The following CNGA3 variants were observed in gnomAD, a reference collection of about 807,000 sequenced individuals.
CNGA3 encodes cyclic nucleotide-gated channel alpha-3.
Under a neutral mutation model 46.6 loss-of-function variants are expected in CNGA3, and 42 were observed. The observed-to-expected ratio is 0.90, with a 90% confidence interval of 0.70 to 1.17. The LOEUF is 1.17. Ranked by LOEUF, CNGA3 falls within the 50% of genes most tolerant of loss-of-function variation. CNGA3 has a pLI of 0.00. For synonymous variants in CNGA3, 394 were observed against 369.4 expected (o/e 1.07, Z -0.76); for missense variants, 893 against 890.7 (o/e 1.00, Z -0.03).
chr2:98,363,572 A>G (rs55690937), intron 1 of CNGA3, among the ~76,000 whole-genome samples: 29,178 of 152,204 alleles, frequency 0.19, 3,200 homozygotes, highest in Non-Finnish European at 0.26. Context: ...GATCTAGAAG[A>G]CATCCTTATC....
chr2:98,388,665 C>T (rs1429609520), intron 5 of CNGA3, among the ~76,000 whole-genome samples: 2 of 152,216 alleles, frequency 1.3e-5, no homozygotes, highest in Admixed American at 6.5e-5. Flanking sequence ...TGCTCATGTG[C>T]CCCCCACCCG....
rs532331126 is a variant in CNGA3 at position 98,398,192 on chromosome 2, G to C, written c.*937G>C. 3.3e-5 allele frequency: 5 copies of C among 152,326 alleles called. No homozygotes were observed. The East Asian group carries it at 7.7e-4, about 23-fold the overall frequency. The allele number at this position is 152,326 out of a possible 1,614,324, so 9.4% of individuals were successfully genotyped here. A position where few individuals can be genotyped will look rare whatever the true frequency, so the allele number is the denominator to read the frequency against. Reference sequence around the variant, plus strand: ...TGCAAACTGCCCATTCACCCATGAAGAGGAAGCCTCAAGATCCCTTGGAAT... The same window carrying C: ...TGCAAACTGCCCATTCACCCATGAACAGGAAGCCTCAAGATCCCTTGGAAT... On this transcript the variant is annotated 3_prime_UTR_variant, in exon 8 of 8. Transcript: ENST00000272602.
intron 5 of CNGA3, among the ~76,000 whole-genome samples, chr2:98,388,684 C>T (rs1444204026): frequency 3.9e-5 from 6 of 152,224 alleles, no homozygotes; most frequent in Non-Finnish European, 8.8e-5. Context: ...CGAAGCATTT[C>T]GTTTGCCCTC....
rs1043225767 is a variant in CNGA3, at chr2:98,377,866, C to T, written c.215+66C>T. Reference sequence around the variant, plus strand: ...ACTGTTGCAGAAAGAAGGTAGTGACCTCTCAGGAAAAAGTGCTAGATGGGG... The same window carrying T: ...ACTGTTGCAGAAAGAAGGTAGTGACTTCTCAGGAAAAAGTGCTAGATGGGG... On this transcript the variant is annotated intron_variant, in intron 3 of 7. Coordinates refer to ENST00000272602, the MANE Select transcript of CNGA3 (RefSeq NM_001298.3). The T allele has an allele frequency of 1.2e-5, 18 of 1,461,634 alleles. No individual in the cohort carries two copies. In the African/African-American group the frequency reaches 2.2e-4, roughly 18 times the overall value. The allele number at this position is 1,461,634 out of a possible 1,614,324, so 90.5% of individuals were successfully genotyped here.
intron 1 of CNGA3, among the ~76,000 whole-genome samples, chr2:98,362,956 G>A (rs1187640147): frequency 6.6e-6 from 1 of 152,144 alleles, no homozygotes; most frequent in Non-Finnish European, 1.5e-5. Context: ...AAGATCAGAT[G>A]GTTGTAGATG....
intron 3 of CNGA3, among the ~76,000 whole-genome samples, chr2:98,379,721 G>A (rs1692495499): frequency 6.6e-6 from 1 of 152,198 alleles, no homozygotes; most frequent in South Asian, 2.1e-4. Flanking sequence ...CAGATCTCAA[G>A]AACTTCTAAA....
intron 1 of CNGA3, among the ~76,000 whole-genome samples, chr2:98,358,586 A>G (rs374084004): frequency 2.4e-4 from 37 of 152,340 alleles, no homozygotes; most frequent in African/African-American, 8.4e-4. Flanking sequence ...AGTAAACTCC[A>G]TTGGACAAAT....
At position 98,377,693 on chromosome 2, in the gene CNGA3, CTCG is replaced by C. The variant is rs755957184; in HGVS notation, c.111_113del (p.Ser39del). 1.9e-6 allele frequency: 3 copies of C among 1,613,120 alleles called. No homozygotes were observed. The highest frequency in any genetic ancestry group is 3.3e-5 in the Admixed American group (2 of 59,992). Reference sequence around the variant, plus strand: ...TGCATATCTGATTTCCTAGAGCCCACTCGTCAAGTGAGGAGACATCGTCAGTGC... The same window carrying C: ...TGCATATCTGATTTCCTAGAGCCCACTCAAGTGAGGAGACATCGTCAGTGC... On this transcript the variant is annotated inframe_deletion, in exon 3 of 8. Transcript: ENST00000272602.
intron 1 of CNGA3, among the ~76,000 whole-genome samples, chr2:98,364,781 C>T (rs1397290915): frequency 6.6e-6 from 1 of 152,116 alleles, no homozygotes; most frequent in Non-Finnish European, 1.5e-5. Context: ...GTTAGTGTTT[C>T]CTTCAGGAGC....
intron 2 of CNGA3, among the ~76,000 whole-genome samples, chr2:98,370,508 C>T (rs977211412): frequency 3.9e-5 from 6 of 152,218 alleles, no homozygotes; most frequent in African/African-American, 1.2e-4. Flanking sequence ...GCCCTGCCCT[C>T]GCTTCCAGGG....
intron 5 of CNGA3, among the ~76,000 whole-genome samples, chr2:98,385,052 AGT>A (rs1692621618): frequency 1.3e-5 from 2 of 152,134 alleles, no homozygotes; most frequent in Non-Finnish European, 2.9e-5. Context: ...AGCATTTTGC[AGT>A]TCTGTGTAGG....
intron 1 of CNGA3, among the ~76,000 whole-genome samples, chr2:98,362,720 C>G (rs1244934122): frequency 2.0e-5 from 3 of 152,090 alleles, no homozygotes; most frequent in African/African-American, 4.8e-5. Flanking sequence ...TGTCATGAAG[C>G]CTTTGCCCGT....
rs538575896 is a variant in CNGA3, at chr2:98,351,740, TG to T, written c.-38+5207del. Among the ~76,000 whole-genome samples, 8 of 152,360 alleles carry T rather than the reference TG, an allele frequency of 5.3e-5. No homozygotes were observed. In the South Asian group the frequency reaches 1.7e-3, roughly 32 times the overall value. On this transcript the variant is annotated intron_variant, in intron 1 of 7. Transcript: ENST00000272602. ...AAAATGTGATGGTCATTATTATTAA[TG>T]TCATATTTTGGCATTTCTCCCCTTT... is the stretch of plus-strand genomic sequence containing the variant.
chr2:98,376,396 C>T (rs1692406268), intron 2 of CNGA3, among the ~76,000 whole-genome samples: 1 of 151,972 alleles, frequency 6.6e-6, no homozygotes, highest in South Asian at 2.1e-4. Flanking sequence ...CACACAGGTC[C>T]TGGTCATGGA....
At position 98,397,314 on chromosome 2, in the gene CNGA3, C is replaced by T. The variant is rs750661471; in HGVS notation, c.*59C>T. 5.8e-6 allele frequency: 9 copies of T among 1,547,616 alleles called. No homozygotes were observed. The highest frequency in any genetic ancestry group is 8.0e-6 in the Non-Finnish European group (9 of 1,126,986). On this transcript the variant is annotated 3_prime_UTR_variant, in exon 8 of 8. Transcript: ENST00000272602. ...GACTGTCAGGGTGACCGTATGTGGC[C>T]GCAGCTGTGTGGCATGGAACTTGGT... is the stretch of plus-strand genomic sequence containing the variant.
intron 7 of CNGA3, among the ~76,000 whole-genome samples, chr2:98,393,966 A>G (rs1268712635): frequency 1.3e-5 from 2 of 151,080 alleles, no homozygotes; most frequent in African/African-American, 2.4e-5. Flanking sequence ...GTGACAGCAC[A>G]CTAGATTTTC....
intron 2 of CNGA3, among the ~76,000 whole-genome samples, chr2:98,376,471 G>T (rs781074718): frequency 2.6e-5 from 4 of 152,174 alleles, no homozygotes; most frequent in Non-Finnish European, 5.9e-5. Flanking sequence ...ATGTGGGGAG[G>T]CTGAGAGAGG....
At chr2:98,390,302 T>TTATA (rs756649847) in intron 6 of CNGA3, among the ~76,000 whole-genome samples, 2 of 149,672 alleles carry the variant, frequency 1.3e-5, no homozygotes, top group African/African-American at 2.4e-5. Flanking sequence ...CGCCTGGCTT[T>TTATA]TATATATATA....
intron 7 of CNGA3, among the ~76,000 whole-genome samples, 178 bp from the exon 8 acceptor site, chr2:98,395,661 CATAGA>C (rs1273217471): frequency 2.0e-5 from 3 of 152,126 alleles, no homozygotes; most frequent in African/African-American, 7.2e-5. Flanking sequence ...ATTAGAACCT[CATAGA>C]ATAGAAAATA....
Sources: gnomAD v4.1 joint callset for allele counts (sites outside exome capture counted in the v4.1 genomes callset) on GRCh38, gnomAD v4.1.1 for gene constraint, MANE v1.5 for transcripts, NCBI Gene and HGNC (gene_info 2026-07-23, HGNC 2026-07-21) for gene names.